Variants in DOCK6 observed in about 807,000 individuals in gnomAD.
DOCK6 encodes the protein dedicator of cytokinesis protein 6.
A neutral mutation model predicts 230.3 loss-of-function variants in DOCK6; 167 were observed. The observed-to-expected ratio is 0.73, with a 90% CI of 0.64 to 0.82. The LOEUF (loss-of-function observed/expected upper bound fraction) is 0.82, where lower values mean the gene tolerates loss of function less well. DOCK6 is among the 40% of genes least tolerant of loss of function. The pLI, the probability that DOCK6 is intolerant of heterozygous loss-of-function variation, is 0.00. For synonymous variants in DOCK6, 1,148 were observed against 1,185.0 expected (o/e 0.97, Z 0.64); for missense variants, 2,598 against 2,825.8 (o/e 0.92, Z 1.83).
Position 11,202,489 on chromosome 19 carries a change from G to A in DOCK6, c.5362-6C>T, listed in dbSNP as rs777737075. ...AATCTCTCCGTGTAGAACTCCTGGA[G>A]ACACAGGGCTGACTCGGGGCCACCC... On this transcript the variant is annotated splice_region_variant and splice_polypyrimidine_tract_variant and intron_variant, in intron 42 of 47. Transcript: ENST00000294618. The surrounding 1 kb of genome is among the most constrained non-coding windows in gnomAD (Gnocchi z 5.3). 4.3e-6 allele frequency: 7 copies of A among 1,612,088 alleles called. No homozygotes were observed. The highest frequency in any genetic ancestry group is 5.9e-6 in the Non-Finnish European group (7 of 1,178,986).
chr19:11,222,750 G>A lies in DOCK6; in HGVS notation c.3225C>T (p.Ser1075=), dbSNP rs376597533. 1.0e-5 allele frequency: 16 copies of A among 1,574,150 alleles called. No individual in the cohort carries two copies. The highest frequency in any genetic ancestry group is 3.8e-5 in the Admixed American group (2 of 53,008). Residue 1075 remains serine (S), a synonymous_variant, in exon 26 of 48, where the codon TCC becomes TCT. Transcript: ENST00000294618. This position sits in a 1 kb window ranked among gnomAD's most constrained non-coding sequence, Gnocchi z 4.0. The stretch of plus-strand genomic sequence containing the variant: ...GGCAGCCCACCTGGGAGGTGGTGGA[G>A]GACACAGAGGGGGAGGGCGAGGCTG... ...SPPASPSPSV[S]STTSQSSTFS...
At chr19:11,214,789 T>C (rs2079453714) in intron 32 of DOCK6, 140 bp from the exon 33 acceptor site, 1 of 734,336 alleles carries the variant, frequency 1.4e-6, no homozygotes, top group Non-Finnish European at 2.2e-6. Context: ...TTTTTTTGTT[T>C]TCTGAGACAG....
intron 1 of DOCK6, among the ~76,000 whole-genome samples, chr19:11,257,773 A>G (rs2080221311): frequency 6.6e-6 from 1 of 151,844 alleles, no homozygotes; most frequent in Admixed American, 6.6e-5. Flanking sequence ...TAGGCAACAG[A>G]AAGAAACGCT....
Position 11,227,186 on chromosome 19 carries a change from A to G in DOCK6, c.2955+151T>C, listed in dbSNP as rs60972631. 455 of 1,116,534 alleles carry G rather than the reference A, an allele frequency of 4.1e-4. 2 individuals are homozygous for G. In the African/African-American group the frequency reaches 6.4e-3, roughly 16 times the overall value. 69.2% of individuals were successfully genotyped at this position (1,116,534 alleles called of 1,614,324 possible). A position where few individuals can be genotyped will look rare whatever the true frequency, so the allele number is the denominator to read the frequency against. Reference sequence around the variant, plus strand: ...AGGGCTGTGCACGTTACAGGCACTTAAGAAACAGACAATGAATGAACGGAT... The same window carrying G: ...AGGGCTGTGCACGTTACAGGCACTTGAGAAACAGACAATGAATGAACGGAT... On this transcript the variant is annotated intron_variant, in intron 24 of 47. Transcript: ENST00000294618.
In DOCK6 at chr19:11,227,465, C is replaced by T; in HGVS notation, c.2827G>A (p.Ala943Thr). 1 of 1,583,434 alleles carries T rather than the reference C, an allele frequency of 6.3e-7. No individual in the cohort carries two copies. Among genetic ancestry groups the T allele is most frequent in the Non-Finnish European group, 8.6e-7 (1 of 1,165,608 alleles). Reference sequence around the variant, plus strand: ...CGCTGGCCAAGCAGCAGGTGCAGCGCCATACTCTTCACCTGGGGGTGGGGT... The same window carrying T: ...CGCTGGCCAAGCAGCAGGTGCAGCGTCATACTCTTCACCTGGGGGTGGGGT... ...FFFQLMVKSMALHLLLGQRLD... is the reference protein window; with the variant it reads ...FFFQLMVKSMTLHLLLGQRLD... The change falls in exon 24 of 48, where the codon GCG (alanine) becomes ACG (threonine). Residue 943 changes from alanine to threonine, a missense_variant. Transcript: ENST00000294618.
rs555260786 is a variant in DOCK6 at position 11,202,951 on chromosome 19, C to T, written c.5236-242G>A. 5.1e-4 allele frequency among the ~76,000 whole-genome samples: 78 copies of T among 152,288 alleles called. No individual in the cohort carries two copies. Among genetic ancestry groups the T allele is most frequent in the African/African-American group, 1.8e-3 (75 of 41,560 alleles). On this transcript the variant is annotated intron_variant, in intron 41 of 47. Transcript: ENST00000294618. This position sits in a 1 kb window ranked among gnomAD's most constrained non-coding sequence, Gnocchi z 5.3. ...CGTGGGACAGGGTATACAGCAGGTA[C>T]CCAATACATGCATAGATGGCTGAGG...
At chr19:11,215,586 G>T in intron 31 of DOCK6, 115 bp from the exon 32 acceptor site, 1 of 1,305,184 alleles carries the variant, frequency 7.7e-7, no homozygotes, top group Non-Finnish European at 1.1e-6. Flanking sequence ...GAGGGCACTG[G>T]GTGGAGCAGA....
At chr19:11,199,642 G>T in intron 47 of DOCK6, 103 bp from the exon 48 acceptor site, 1 of 1,274,448 alleles carries the variant, frequency 7.8e-7, no homozygotes, top group South Asian at 1.3e-5. Flanking sequence ...TTCCTCCAAG[G>T]ATCCTTCTGG....
At position 11,238,223 on chromosome 19, in the gene DOCK6, C is replaced by G. The variant is rs1374665661; in HGVS notation, c.1725G>C (p.Gln575His). The G allele has an allele frequency of 1.2e-6, 2 of 1,613,598 alleles. No individual in the cohort carries two copies. Among genetic ancestry groups the G allele is most frequent in the South Asian group, 1.1e-5 (1 of 91,088 alleles). ...GSVRNLAVRV[Q>H]YMTGEDPSQA... ...GGCTGGGGTCCTCGCCTGTCATGTACTGCACTCGCACAGCAAGGTTGCGCA... is the reference window on the plus strand; with the variant it reads ...GGCTGGGGTCCTCGCCTGTCATGTAGTGCACTCGCACAGCAAGGTTGCGCA... The change falls in exon 15 of 48, where the codon CAG becomes CAC. Residue 575 changes from glutamine to histidine, a missense_variant. Transcript: ENST00000294618.
At chr19:11,234,821 C>T (rs751417889) in intron 21 of DOCK6, among the ~76,000 whole-genome samples, 3 of 152,192 alleles carry the variant, frequency 2.0e-5, no homozygotes, top group African/African-American at 4.8e-5. Context: ...AGGGATGGGG[C>T]AAAAGTGGGC....
chr19:11,250,548 G>A (rs907412617), intron 6 of DOCK6, among the ~76,000 whole-genome samples: 4 of 151,966 alleles, frequency 2.6e-5, no homozygotes, highest in Non-Finnish European at 4.4e-5. Context: ...GGCCTCAAGC[G>A]ATCTGCCCAC....
Position 11,202,744 on chromosome 19 carries a change from G to A in DOCK6, c.5236-35C>T. The stretch of plus-strand genomic sequence containing the variant: ...TGAGAAAGGGTGTGGTTGTCCGGGA[G>A]GCCCCTGCTGGAGGTCTCCCTGCCC... On this transcript the variant is annotated intron_variant, in intron 41 of 47. Coordinates refer to ENST00000294618, the MANE Select transcript of DOCK6 (RefSeq NM_020812.4). This position sits in a 1 kb window ranked among gnomAD's most constrained non-coding sequence, Gnocchi z 5.3. 1 of 1,610,814 alleles carries A rather than the reference G, an allele frequency of 6.2e-7. No homozygotes were observed. The highest frequency in any genetic ancestry group is 8.5e-7 in the Non-Finnish European group (1 of 1,179,862).
intron 21 of DOCK6, among the ~76,000 whole-genome samples, chr19:11,234,803 C>T (rs891596536): frequency 6.6e-6 from 1 of 152,160 alleles, no homozygotes; most frequent in African/African-American, 2.4e-5. Flanking sequence ...ACACAGAAGC[C>T]ACACCCCAGG....
intron 7 of DOCK6, 139 bp downstream of exon 7, chr19:11,247,927 C>T (rs1423453904): frequency 3.0e-6 from 2 of 669,332 alleles, no homozygotes; most frequent in Admixed American, 2.4e-5. Flanking sequence ...TTCCTTCCCC[C>T]ATAAAAGCCC....
rs753767171 is a variant in DOCK6, at chr19:11,221,861, A to G, written c.3540T>C (p.His1180=). 2 of 1,613,648 alleles carry G rather than the reference A, an allele frequency of 1.2e-6. No individual in the cohort carries two copies. Among genetic ancestry groups the G allele is most frequent in the East Asian group, 4.5e-5 (2 of 44,900 alleles). The change falls in exon 28 of 48, where the codon CAT becomes CAC. Residue 1180 remains histidine, a synonymous_variant. Transcript: ENST00000294618. ...CCCTGGCCCACTGACCAGCAAAGTC[A>G]TGCAGCCGTGGCAAGGTATCCCGTG... is the stretch of plus-strand genomic sequence containing the variant. The part of the protein sequence containing the change: ...SIARDTLPRL[H]DFAEGPGQRS...
chr19:11,258,809 T>C (rs2080238599), intron 1 of DOCK6, among the ~76,000 whole-genome samples: 1 of 151,220 alleles, frequency 6.6e-6, no homozygotes, highest in African/African-American at 2.4e-5. Context: ...CAGGCTGGAG[T>C]GCAGTGGCGT....
intron 35 of DOCK6, among the ~76,000 whole-genome samples, chr19:11,212,569 T>C (rs1388111623): frequency 1.3e-5 from 2 of 149,268 alleles, no homozygotes; most frequent in African/African-American, 2.5e-5. Context: ...TTCTTTCTTT[T>C]TTTTTTTTTT....
chr19:11,262,240 T>A (rs2080302871), intron 1 of DOCK6, among the ~76,000 whole-genome samples, 157 bp downstream of exon 1: 1 of 151,356 alleles, frequency 6.6e-6, no homozygotes, highest in Non-Finnish European at 1.5e-5. Flanking sequence ...CTCCCCGCCT[T>A]CTCCCGCTCC....
Position 11,242,025 on chromosome 19 carries a change from C to G in DOCK6, c.1643+20G>C. The G allele has an allele frequency of 6.4e-7, 1 of 1,561,152 alleles. No homozygotes were observed. Among genetic ancestry groups the G allele is most frequent in the Non-Finnish European group, 8.6e-7 (1 of 1,162,564 alleles). On this transcript the variant is annotated intron_variant, in intron 14 of 47. Coordinates refer to ENST00000294618, the MANE Select transcript of DOCK6 (RefSeq NM_020812.4). ...GAATACCTCCCATTCAAGTGCCCAG[C>G]TGGGCCCCAGAGGCCGTACCTGTAG...
Sources: allele counts gnomAD v4.1 joint callset (sites outside exome capture counted in the v4.1 genomes callset), GRCh38; gene constraint gnomAD v4.1.1; non-coding constraint Gnocchi (gnomAD v3.1); transcripts MANE v1.5; gene names NCBI Gene and HGNC (gene_info 2026-07-23, HGNC 2026-07-21).